Variants in FSTL4 observed in about 807,000 individuals in gnomAD.
The protein encoded by FSTL4 is follistatin like 4.
Under a neutral mutation model 78.2 loss-of-function variants are expected in FSTL4, and 28 were observed. The ratio of observed to expected loss-of-function variants is 0.36; its 90% CI spans 0.27 to 0.49. The LOEUF is 0.49. FSTL4 is among the 20% of genes least tolerant of loss of function. The pLI, the probability that FSTL4 is intolerant of heterozygous loss-of-function variation, is 0.98. For synonymous variants in FSTL4, 422 were observed against 440.5 expected (o/e 0.96, Z 0.53); for missense variants, 922 against 1,084.9 (o/e 0.85, Z 2.11).
At chr5:133,381,872 G>A (rs572646458) in intron 4 of FSTL4, among the ~76,000 whole-genome samples, 107 of 152,348 alleles carry the variant, frequency 7.0e-4, no homozygotes, top group African/African-American at 2.4e-3. Flanking sequence ...CCGGGATGCC[G>A]TGGACTGAGG....
chr5:133,796,625 G>A, the FSTL4 span, among the ~76,000 whole-genome samples: 1 of 152,040 alleles, frequency 6.6e-6, no homozygotes, highest in African/African-American at 2.4e-5. Context: ...TTGGCGTTCA[G>A]ACATTCCTCC....
intron 3 of FSTL4, among the ~76,000 whole-genome samples, chr5:133,523,595 C>G (rs892808406): frequency 3.3e-5 from 5 of 152,100 alleles, no homozygotes; most frequent in African/African-American, 1.2e-4. Flanking sequence ...ATTTGTGAAT[C>G]TTGGTTTTTT....
intron 8 of FSTL4, among the ~76,000 whole-genome samples, chr5:133,229,991 T>C (rs1350491044): frequency 1.3e-5 from 2 of 152,186 alleles, no homozygotes; most frequent in African/African-American, 2.4e-5. Context: ...GGGAACAGAC[T>C]CCACCCTCTC....
At chr5:133,444,672 C>A (rs1480272947) in intron 3 of FSTL4, among the ~76,000 whole-genome samples, 1 of 152,206 alleles carries the variant, frequency 6.6e-6, no homozygotes, top group East Asian at 1.9e-4. Flanking sequence ...TCTCAGGGAC[C>A]AGGCAGGAAT....
intron 3 of FSTL4, among the ~76,000 whole-genome samples, chr5:133,508,126 C>G (rs1042789657): frequency 1.3e-5 from 2 of 152,150 alleles, no homozygotes; most frequent in African/African-American, 4.8e-5. Flanking sequence ...CTCTTTGCAC[C>G]TCACTTTCCT....
At chr5:133,649,561 G>A in the FSTL4 span, among the ~76,000 whole-genome samples, 2 of 152,298 alleles carry the variant, frequency 1.3e-5, no homozygotes, top group East Asian at 3.9e-4. Flanking sequence ...TAATAAGTGT[G>A]TAGTGATATC....
the FSTL4 span, among the ~76,000 whole-genome samples, chr5:133,740,415 C>A: frequency 6.6e-6 from 1 of 152,170 alleles, no homozygotes; most frequent in Non-Finnish European, 1.5e-5. Flanking sequence ...ATATGACACT[C>A]AAACCCATAC....
chr5:133,421,979 G>T (rs1580698193), intron 3 of FSTL4, among the ~76,000 whole-genome samples: 1 of 152,302 alleles, frequency 6.6e-6, no homozygotes, highest in Middle Eastern at 3.4e-3. Flanking sequence ...GGGATATTTA[G>T]ATAAGGTGGT....
the FSTL4 span, among the ~76,000 whole-genome samples, chr5:133,831,839 G>C: frequency 9.9e-5 from 15 of 152,208 alleles, no homozygotes; most frequent in South Asian, 2.1e-4. Context: ...GATCAAGGCT[G>C]ACTCTCTGGC....
At position 133,200,381 on chromosome 5, in the gene FSTL4, G is replaced by A. The variant is rs565569406; in HGVS notation, c.1827-584C>T. Among the ~76,000 whole-genome samples the A allele has an allele frequency of 1.6e-4, 25 of 152,360 alleles. No homozygotes were observed. In the South Asian group the frequency reaches 5.0e-3, roughly 30 times the overall value. ...TCTTCTCTGACCACATTGGTGATGC[G>A]GGTAGGAAGAACCCTGGGCATTGGG... On this transcript the variant is annotated intron_variant, in intron 15 of 15. Transcript: ENST00000265342.
chr5:133,649,171 C>A, the FSTL4 span, among the ~76,000 whole-genome samples: 1 of 152,138 alleles, frequency 6.6e-6, no homozygotes, highest in African/African-American at 2.4e-5. Flanking sequence ...ATTTAAGTTT[C>A]TTCCGTGTCT....
intron 3 of FSTL4, among the ~76,000 whole-genome samples, chr5:133,550,367 G>A (rs1448883329): frequency 6.6e-6 from 1 of 152,086 alleles, no homozygotes; most frequent in East Asian, 1.9e-4. Flanking sequence ...AAATAAATTG[G>A]TCCAGTTAAA....
At chr5:133,733,501 G>GA in the FSTL4 span, among the ~76,000 whole-genome samples, 1 of 152,164 alleles carries the variant, frequency 6.6e-6, no homozygotes, top group East Asian at 1.9e-4. Context: ...TCAGGAAATA[G>GA]AAAAGGCAGA....
At position 133,267,760 on chromosome 5, in the gene FSTL4, G is replaced by C. The variant is rs114191533; in HGVS notation, c.728-18184C>G. On this transcript the variant is annotated intron_variant, in intron 6 of 15. Coordinates refer to ENST00000265342, the MANE Select transcript of FSTL4 (RefSeq NM_015082.2). ...AGAGACTGCTAGATAGGTTCCAAGT[G>C]GGGGAGGTGTGATTTGCTTGGGGCA... 7.3e-3 allele frequency among the ~76,000 whole-genome samples: 1,112 copies of C among 152,250 alleles called. 11 individuals are homozygous for C. The highest frequency in any genetic ancestry group is 0.025 in the African/African-American group (1,045 of 41,532).
At chr5:133,238,954 C>T (rs1419847942) in intron 7 of FSTL4, among the ~76,000 whole-genome samples, 1 of 152,196 alleles carries the variant, frequency 6.6e-6, no homozygotes, top group Non-Finnish European at 1.5e-5. Flanking sequence ...CTGGCCAAGG[C>T]GGGAACTGGC....
At chr5:133,231,813 T>C (rs1024806784) in intron 8 of FSTL4, among the ~76,000 whole-genome samples, 1 of 152,226 alleles carries the variant, frequency 6.6e-6, no homozygotes, top group African/African-American at 2.4e-5. Context: ...GTGCTGTGAT[T>C]ATAGGCGTGA....
the FSTL4 span, among the ~76,000 whole-genome samples, chr5:133,836,602 T>C: frequency 6.6e-6 from 1 of 152,172 alleles, no homozygotes; most frequent in African/African-American, 2.4e-5. Context: ...TTTCCATGTT[T>C]CCATCTGGGA....
chr5:133,595,994 C>T (rs937871685), intron 2 of FSTL4, among the ~76,000 whole-genome samples: 1 of 152,202 alleles, frequency 6.6e-6, no homozygotes, highest in African/African-American at 2.4e-5. Flanking sequence ...ACAGGAAAAA[C>T]CAATTGTGGG....
At chr5:133,417,958 T>TA (rs527415337) in intron 3 of FSTL4, among the ~76,000 whole-genome samples, 1,025 of 51,082 alleles carry the variant, frequency 0.02, 170 homozygotes, top group African/African-American at 0.066. Flanking sequence ...GACTCCATCT[T>TA]AAAAAAAAAA....
Sources: gnomAD v4.1 joint callset for allele counts (sites outside exome capture counted in the v4.1 genomes callset) on GRCh38, gnomAD v4.1.1 for gene constraint, MANE v1.5 for transcripts, NCBI Gene and HGNC (gene_info 2026-07-23, HGNC 2026-07-21) for gene names.